Variants in PIK3CA observed in about 807,000 individuals in gnomAD.
PIK3CA encodes phosphatidylinositol-4,5-bisphosphate 3-kinase catalytic subunit alpha, also known as phosphatidylinositol 4,5-bisphosphate 3-kinase catalytic subunit alpha isoform.
PIK3CA carries 27 observed loss-of-function variants against 138.2 expected under a neutral mutation model. The observed-to-expected ratio is 0.20, with a 90% CI of 0.14 to 0.27. The LOEUF (loss-of-function observed/expected upper bound fraction) is 0.27. Among genes scored for constraint, PIK3CA ranks in the 10% least tolerant of loss-of-function variants. PIK3CA has a pLI of 1.00. For synonymous variants in PIK3CA, 358 were observed against 413.2 expected (o/e 0.87, Z 1.62); for missense variants, 544 against 1,277.4 (o/e 0.43, Z 8.75).
At chr3:179,215,735 T>C (rs962332080) in intron 9 of PIK3CA, among the ~76,000 whole-genome samples, 1 of 152,092 alleles carries the variant, frequency 6.6e-6, no homozygotes, top group Non-Finnish European at 1.5e-5. Flanking sequence ...CAGGCTTTCA[T>C]TGGACACTTG....
rs1454761759 is a variant in PIK3CA, at chr3:179,229,433, A to G, written c.2657A>G (p.Lys886Arg). 1 of 1,610,520 alleles carries G rather than the reference A, an allele frequency of 6.2e-7. No individual in the cohort carries two copies. The highest frequency in any genetic ancestry group is 1.3e-5 in the African/African-American group (1 of 74,768). The stretch of plus-strand genomic sequence containing the variant: ...CATCAGTGGCTCAAAGACAAGAACA[A>G]AGGAGAAATGTGAGTTGTATTATTC... ...TLHQWLKDKN[K>R]GEIYDAAIDL... is the part of the protein sequence containing the mutation. The change falls in exon 18 of 21, where the codon AAA becomes AGA. Residue 886 changes from lysine (K) to arginine (R), a missense_variant. Physicochemically the swap from Lys to Arg is conservative, Grantham distance 26. This residue lies in a region of PIK3CA where 72 missense variants were observed against 271.8 expected (regional missense o/e 0.26). Transcript: ENST00000263967.
In PIK3CA at chr3:179,240,045, C is replaced by G. The variant is rs140852530; in HGVS notation, c.*5681C>G. 4.3e-4 allele frequency: 658 copies of G among 1,547,272 alleles called. 4 individuals are homozygous for G. In the African/African-American group the frequency reaches 7.9e-3, roughly 19 times the overall value. ...TGTCAATGTCTGCTTTTCTTTAACT[C>G]TGCAGTCTGTAACATCACGCTGTTT... On this transcript the variant is annotated 3_prime_UTR_variant, in exon 21 of 21. Transcript: ENST00000263967.
intron 15 of PIK3CA, 147 bp downstream of exon 15, chr3:179,224,334 G>C (rs570488427): frequency 3.7e-6 from 2 of 539,258 alleles, no homozygotes; most frequent in South Asian, 2.9e-5. Flanking sequence ...AATAAGAGTA[G>C]TATATCTTAA....
intron 20 of PIK3CA, 135 bp from the exon 21 acceptor site, chr3:179,233,959 G>T: frequency 1.7e-6 from 1 of 605,476 alleles, no homozygotes; most frequent in Non-Finnish European, 2.9e-6. Context: ...GTTGGTAAGA[G>T]AAGTGAGAGA....
At chr3:179,181,744 A>G (rs1016923058) in intron 1 of PIK3CA, among the ~76,000 whole-genome samples, 1 of 152,210 alleles carries the variant, frequency 6.6e-6, no homozygotes, top group Non-Finnish European at 1.5e-5. Flanking sequence ...TCATAGTCAC[A>G]TACACCATAA....
Position 179,213,281 on chromosome 3 carries a change from A to G in PIK3CA, c.1539+2716A>G, listed in dbSNP as rs1451181400. Among the ~76,000 whole-genome samples the G allele has an allele frequency of 3.9e-5, 6 of 152,236 alleles. No individual in the cohort carries two copies. The East Asian group carries it at 1.2e-3, about 29-fold the overall frequency. On this transcript the variant is annotated intron_variant, in intron 9 of 20. Coordinates refer to ENST00000263967, the MANE Select transcript of PIK3CA (RefSeq NM_006218.4). The stretch of plus-strand genomic sequence containing the variant: ...AGAGTCACAAATGTTTTGGTTTCCC[A>G]GTGCATATAAAAGTTCTGTTCACAT...
chr3:179,165,578 G>C (rs1354563219), intron 1 of PIK3CA, among the ~76,000 whole-genome samples: 1 of 152,048 alleles, frequency 6.6e-6, no homozygotes, highest in Non-Finnish European at 1.5e-5. Flanking sequence ...TTTTAATAAG[G>C]CTTCCCTCTC....
At chr3:179,192,061 TAG>T (rs1457014241) in intron 1 of PIK3CA, among the ~76,000 whole-genome samples, 1 of 152,270 alleles carries the variant, frequency 6.6e-6, no homozygotes, top group Non-Finnish European at 1.5e-5. Context: ...GCTGTATTTA[TAG>T]AGACTGGTAA....
chr3:179,224,198 G>A lies in PIK3CA; in HGVS notation c.2294+11G>A, dbSNP rs1260094126. The A allele has an allele frequency of 1.5e-6, 2 of 1,352,622 alleles. No individual in the cohort carries two copies. The highest frequency in any genetic ancestry group is 1.4e-5 in the African/African-American group (1 of 69,272). 83.8% of individuals were successfully genotyped at this position (1,352,622 alleles called of 1,614,324 possible). The stretch of plus-strand genomic sequence containing the variant: ...ACTAGGAAACCTCAGGTACTTTCTT[G>A]GGGGTTTCATTGATATATTTAAATA... On this transcript the variant is annotated intron_variant, in intron 15 of 20. Coordinates refer to ENST00000263967, the MANE Select transcript of PIK3CA (RefSeq NM_006218.4).
At chr3:179,185,739 G>A (rs530416322) in intron 1 of PIK3CA, among the ~76,000 whole-genome samples, 33 of 152,082 alleles carry the variant, frequency 2.2e-4, no homozygotes, top group Non-Finnish European at 4.4e-4. Flanking sequence ...TACATTTCTC[G>A]GTTTATTATA....
At chr3:179,214,844 G>A (rs1185927883) in intron 9 of PIK3CA, among the ~76,000 whole-genome samples, 2 of 152,136 alleles carry the variant, frequency 1.3e-5, no homozygotes, top group African/African-American at 2.4e-5. Context: ...AGGAAAGAGC[G>A]TATGTAAGAT....
chr3:179,163,395 C>T (rs1299171613), intron 1 of PIK3CA, among the ~76,000 whole-genome samples: 2 of 152,062 alleles, frequency 1.3e-5, no homozygotes. Context: ...CAATGTGCCC[C>T]CTCTAGTCCA....
intron 7 of PIK3CA, 126 bp from the exon 8 acceptor site, chr3:179,210,060 A>ATTTT: frequency 1.8e-6 from 1 of 564,296 alleles, no homozygotes; most frequent in Non-Finnish European, 2.8e-6. Flanking sequence ...TGAAAAATCA[A>ATTTT]TTTTTTTTTT....
At position 179,164,174 on chromosome 3, in the gene PIK3CA, AAG is replaced by A. The variant is rs373399860; in HGVS notation, c.-77+15573_-77+15574del. ...CAAGTATACAAAACTATAGAAAACA[AAG>A]AAATAAACCAAAAATATCCAGACAA... On this transcript the variant is annotated intron_variant, in intron 1 of 20. Transcript: ENST00000263967. Among the ~76,000 whole-genome samples, 1,029 of 152,328 alleles carry A rather than the reference AAG, an allele frequency of 6.8e-3. 66 individuals are homozygous for A. In the South Asian group the frequency reaches 0.14, roughly 20 times the overall value.
chr3:179,156,058 A>C (rs754387327), intron 1 of PIK3CA, among the ~76,000 whole-genome samples: 5 of 152,178 alleles, frequency 3.3e-5, no homozygotes, highest in African/African-American at 4.8e-5. Flanking sequence ...AGAGTAAGTA[A>C]ATCACTCCCT....
chr3:179,178,560 G>A (rs528567221), intron 1 of PIK3CA, among the ~76,000 whole-genome samples: 1 of 152,252 alleles, frequency 6.6e-6, no homozygotes, highest in East Asian at 1.9e-4. Context: ...CTTATTGCTG[G>A]TGGGAATATA....
chr3:179,203,038 T>G (rs1285306326), intron 4 of PIK3CA, among the ~76,000 whole-genome samples: 1 of 150,472 alleles, frequency 6.6e-6, no homozygotes, highest in Non-Finnish European at 1.5e-5. Flanking sequence ...CCTCCCGGGT[T>G]CACGCCATTC....
chr3:179,170,066 ACGCG>A (rs574634103), intron 1 of PIK3CA, among the ~76,000 whole-genome samples: 2 of 107,504 alleles, frequency 1.9e-5, no homozygotes, highest in African/African-American at 2.9e-5. Flanking sequence ...GCGCGTGCAC[ACGCG>A]CGCGCGCACA....
At chr3:179,226,144 ATGCAGTAATTATCAGTAGTTGATTAC>A (rs1489445009) in intron 17 of PIK3CA, 104 bp downstream of exon 17, 2 of 622,856 alleles carry the variant, frequency 3.2e-6, no homozygotes, top group Admixed American at 2.4e-5. Flanking sequence ...AAAGAAATGT[ATGCAGTAATTATCAGTAGTTGATTAC>A]ACTATAGTAC....
Sources: gnomAD v4.1 joint callset for allele counts (sites outside exome capture counted in the v4.1 genomes callset) on GRCh38, gnomAD v4.1.1 for gene constraint, gnomAD v4.1.1 regional missense constraint, MANE v1.5 for transcripts, NCBI Gene and HGNC (gene_info 2026-07-23, HGNC 2026-07-21) for gene names.